The following KIAA0825 variants were observed in gnomAD, a reference collection of about 807,000 sequenced individuals.
The protein encoded by KIAA0825 is uncharacterized protein KIAA0825.
Under a neutral mutation model 147.6 loss-of-function variants are expected in KIAA0825, and 119 were observed. The ratio of observed to expected loss-of-function variants is 0.81; its 90% CI spans 0.69 to 0.94. The LOEUF is 0.94. Among genes scored for constraint, KIAA0825 ranks in the 40% least tolerant of loss-of-function variants. The probability of loss-of-function intolerance (pLI) is 0.00; values close to 1 mark genes in which losing one functional copy is unlikely to be tolerated. For synonymous variants in KIAA0825, 470 were observed against 518.1 expected (o/e 0.91, Z 1.26); for missense variants, 1,381 against 1,472.7 (o/e 0.94, Z 1.02).
intron 20 of KIAA0825, among the ~76,000 whole-genome samples, chr5:94,312,599 T>C (rs1485415044): frequency 6.6e-6 from 1 of 151,720 alleles, no homozygotes; most frequent in Non-Finnish European, 1.5e-5. Flanking sequence ...GTCAATAATA[T>C]GGTGTAAAAA....
In KIAA0825 at chr5:94,569,338, A is replaced by C. The variant is rs1779400689; in HGVS notation, c.-2+13095T>G. On this transcript the variant is annotated intron_variant, in intron 2 of 20. Transcript: ENST00000682413. ...CTATACAACCTCCCCCATAATTTAA[A>C]ATAATGATACACCCAACCACACCAC... 3 of 360,070 alleles carry C rather than the reference A, an allele frequency of 8.3e-6. No individual in the cohort carries two copies. The South Asian group carries it at 4.4e-4, about 53-fold the overall frequency. The allele number at this position is 360,070 out of a possible 1,614,324, so 22.3% of individuals were successfully genotyped here.
intron 2 of KIAA0825, among the ~76,000 whole-genome samples, chr5:94,559,007 C>T (rs1777075952): frequency 6.6e-6 from 1 of 152,104 alleles, no homozygotes; most frequent in East Asian, 1.9e-4. Flanking sequence ...GTTCTGTTTC[C>T]TTAGGTCTTC....
intron 20 of KIAA0825, among the ~76,000 whole-genome samples, chr5:94,197,349 A>G (rs1264740451): frequency 6.6e-6 from 1 of 152,106 alleles, no homozygotes; most frequent in Non-Finnish European, 1.5e-5. Flanking sequence ...TAAGTTCCTT[A>G]TAGATTCTGG....
chr5:94,595,362 G>A (rs143107161), intron 1 of KIAA0825, among the ~76,000 whole-genome samples: 3 of 152,280 alleles, frequency 2.0e-5, no homozygotes, highest in Non-Finnish European at 4.4e-5. Flanking sequence ...AGCTGCAAAG[G>A]CTTGGGGAAT....
chr5:94,596,201 AT>A, intron 1 of KIAA0825, among the ~76,000 whole-genome samples: 1 of 152,020 alleles, frequency 6.6e-6, no homozygotes, highest in South Asian at 2.1e-4. Flanking sequence ...TCTCCCAGGG[AT>A]TTTATAGTTT....
intron 20 of KIAA0825, among the ~76,000 whole-genome samples, chr5:94,293,991 C>A (rs1184686451): frequency 6.6e-6 from 1 of 151,988 alleles, no homozygotes; most frequent in Non-Finnish European, 1.5e-5. Flanking sequence ...GTAAATATTC[C>A]TCCATCCCTT....
chr5:94,583,043 G>C (rs536524978), intron 1 of KIAA0825, among the ~76,000 whole-genome samples: 2 of 152,232 alleles, frequency 1.3e-5, no homozygotes, highest in African/African-American at 4.8e-5. Flanking sequence ...CAGATTGCTG[G>C]GGGAGGCGCT....
At chr5:94,275,330 A>G (rs191600629) in intron 20 of KIAA0825, among the ~76,000 whole-genome samples, 1 of 152,164 alleles carries the variant, frequency 6.6e-6, no homozygotes, top group Non-Finnish European at 1.5e-5. Context: ...TGCAATGGAT[A>G]TCAAAGGAAG....
intron 14 of KIAA0825, among the ~76,000 whole-genome samples, chr5:94,426,530 C>T (rs1582387): frequency 0.11 from 17,123 of 152,026 alleles, 1,140 homozygotes; most frequent in East Asian, 0.26. Flanking sequence ...AAGAATAAAC[C>T]GATAGAAACC....
intron 13 of KIAA0825, among the ~76,000 whole-genome samples, chr5:94,446,560 G>A (rs1584513939): frequency 1.3e-5 from 2 of 152,230 alleles, no homozygotes; most frequent in Non-Finnish European, 2.9e-5. Context: ...AAGATCCTGT[G>A]GCAGAAAGGA....
At chr5:94,231,210 CTATG>C (rs953853134) in intron 20 of KIAA0825, among the ~76,000 whole-genome samples, 2 of 152,028 alleles carry the variant, frequency 1.3e-5, no homozygotes, top group African/African-American at 4.8e-5. Context: ...AATCAGTGTT[CTATG>C]TGTCTCAACA....
chr5:94,371,792 G>A (rs982110135), intron 20 of KIAA0825, among the ~76,000 whole-genome samples: 14 of 152,112 alleles, frequency 9.2e-5, no homozygotes, highest in African/African-American at 3.4e-4. Flanking sequence ...ACACAATCAT[G>A]CCTTCCCAAC....
chr5:94,176,503 A>G (rs868318442), intron 20 of KIAA0825, among the ~76,000 whole-genome samples: 1 of 152,172 alleles, frequency 6.6e-6, no homozygotes, highest in South Asian at 2.1e-4. Flanking sequence ...GACAGTGTCT[A>G]TTGTTGATTA....
intron 2 of KIAA0825, among the ~76,000 whole-genome samples, chr5:94,540,586 A>T (rs1232738694): frequency 6.6e-6 from 1 of 152,230 alleles, no homozygotes; most frequent in Non-Finnish European, 1.5e-5. Flanking sequence ...TATATGTGAA[A>T]GAGCTTGATT....
chr5:94,602,956 G>A (rs1421772624), intron 1 of KIAA0825, among the ~76,000 whole-genome samples: 1 of 151,826 alleles, frequency 6.6e-6, no homozygotes, highest in Non-Finnish European at 1.5e-5. Context: ...AGCCTCCCAA[G>A]TAGTTGGGAT....
chr5:94,396,397 T>C lies in KIAA0825; in HGVS notation c.3000A>G (p.Lys1000=). 1.3e-6 allele frequency: 2 copies of C among 1,550,766 alleles called. No homozygotes were observed. The highest frequency in any genetic ancestry group is 1.7e-6 in the Non-Finnish European group (2 of 1,146,740). ...TCAATTCAACAAATTTTTTTGACAT[T>C]TTTCTCTCAGACAGAAAAAAGAAGT... ...VKYFFFLSER[K]MSKKFVELKK... The change falls in exon 17 of 21, where the codon AAA becomes AAG. Residue 1000 remains lysine, a synonymous_variant. Coordinates refer to ENST00000682413, the MANE Select transcript of KIAA0825 (RefSeq NM_001145678.3).
At chr5:94,618,095 T>A (rs1274440882) in intron 1 of KIAA0825, 1 of 152,284 alleles carries the variant, frequency 6.6e-6, no homozygotes, top group Non-Finnish European at 1.5e-5. Flanking sequence ...TCAGCCAACC[T>A]CCTGCCTTCC....
intron 20 of KIAA0825, among the ~76,000 whole-genome samples, chr5:94,303,757 G>A (rs927266131): frequency 2.6e-5 from 4 of 151,956 alleles, no homozygotes; most frequent in Admixed American, 2.0e-4. Flanking sequence ...GAGAACAGGG[G>A]AAAAGCTGTG....
chr5:94,535,348 A>G (rs1184972859), intron 3 of KIAA0825, among the ~76,000 whole-genome samples: 1 of 152,000 alleles, frequency 6.6e-6, no homozygotes, highest in Non-Finnish European at 1.5e-5. Context: ...TGTCTGTACC[A>G]AAAATACAAA....
Sources: gnomAD v4.1 joint callset for allele counts (sites outside exome capture counted in the v4.1 genomes callset) on GRCh38, gnomAD v4.1.1 for gene constraint, MANE v1.5 for transcripts, NCBI Gene and HGNC (gene_info 2026-07-23, HGNC 2026-07-21) for gene names.